The following TANGO6 variants were observed in gnomAD, a reference collection of about 807,000 sequenced individuals.
The protein encoded by TANGO6 is transport and Golgi organization protein 6 homolog.
A neutral mutation model predicts 114.2 loss-of-function variants in TANGO6; 90 were observed. The ratio of observed to expected loss-of-function variants is 0.79; its 90% CI spans 0.66 to 0.94. The LOEUF (loss-of-function observed/expected upper bound fraction) is 0.94, where lower values mean the gene tolerates loss of function less well. TANGO6 is among the 40% of genes least tolerant of loss of function. TANGO6 has a pLI of 0.00. For missense variants in TANGO6, 1,274 were observed against 1,315.3 expected, an observed-to-expected ratio of 0.97 and a Z score of 0.49; for synonymous variants, 477 against 509.8, an observed-to-expected ratio of 0.94 and a Z score of 0.87.
At chr16:69,054,133 G>A (rs866460656) in intron 17 of TANGO6, among the ~76,000 whole-genome samples, 1 of 152,186 alleles carries the variant, frequency 6.6e-6, no homozygotes, top group Non-Finnish European at 1.5e-5. Flanking sequence ...TCCGGAAGAT[G>A]AGTGGAAAGA....
chr16:68,949,351 T>C (rs1963447574), intron 14 of TANGO6, among the ~76,000 whole-genome samples: 1 of 152,112 alleles, frequency 6.6e-6, no homozygotes, highest in South Asian at 2.1e-4. Context: ...CCAGGCATGA[T>C]GGCTCACACC....
intron 1 of TANGO6, 109 bp downstream of exon 1, chr16:68,843,820 A>C: frequency 9.8e-7 from 1 of 1,025,250 alleles, no homozygotes. Flanking sequence ...CCGCCTCGGG[A>C]CCCTCCGCCC....
At chr16:68,906,354 G>A (rs1962849680) in intron 9 of TANGO6, among the ~76,000 whole-genome samples, 1 of 152,054 alleles carries the variant, frequency 6.6e-6, no homozygotes, top group Non-Finnish European at 1.5e-5. Context: ...GTCCTCCCAT[G>A]ATGATCACAT....
chr16:69,063,805 C>CTTATTATTATTA (rs1263446156), intron 17 of TANGO6, among the ~76,000 whole-genome samples: 1 of 118,538 alleles, frequency 8.4e-6, no homozygotes, highest in Non-Finnish European at 1.7e-5. Context: ...TCTTCTTCTT[C>CTTATTATTATTA]TTCTTATTAT....
rs575980236 is a variant in TANGO6, at chr16:69,004,018, A to T, written c.2843-18810A>T. On this transcript the variant is annotated intron_variant, in intron 15 of 17. Coordinates refer to ENST00000261778, the MANE Select transcript of TANGO6 (RefSeq NM_024562.2). Reference sequence around the variant, plus strand: ...ACATCTGAATTGGCAAAAAAAAAAAATTTTTTTCAATAGCAGCATATCTTC... The same window carrying T: ...ACATCTGAATTGGCAAAAAAAAAAATTTTTTTTCAATAGCAGCATATCTTC... Among the ~76,000 whole-genome samples, 527 of 151,642 alleles carry T rather than the reference A, an allele frequency of 3.5e-3. 1 individual carries two copies. The highest frequency in any genetic ancestry group is 0.014 in the Middle Eastern group (4 of 294).
intron 16 of TANGO6, chr16:69,034,749 G>C (rs1001000792): frequency 1.2e-4 from 19 of 152,108 alleles, no homozygotes; most frequent in Non-Finnish European, 4.4e-5. Flanking sequence ...ATGCCAGCTG[G>C]TCGGGAAGGA....
chr16:68,915,186 A>AC (rs1248417805), intron 11 of TANGO6, among the ~76,000 whole-genome samples: 1 of 151,956 alleles, frequency 6.6e-6, no homozygotes, highest in African/African-American at 2.4e-5. Context: ...AAAAAAAAAA[A>AC]AAAAAAGTGG....
At chr16:69,032,290 G>C (rs560229546) in intron 16 of TANGO6, among the ~76,000 whole-genome samples, 1 of 151,958 alleles carries the variant, frequency 6.6e-6, no homozygotes, top group East Asian at 2.0e-4. Flanking sequence ...TATGGAGACA[G>C]AGCCTCGCGC....
chr16:68,897,129 C>T (rs1482316634), intron 7 of TANGO6, among the ~76,000 whole-genome samples: 1 of 152,086 alleles, frequency 6.6e-6, no homozygotes, highest in Non-Finnish European at 1.5e-5. Flanking sequence ...TCTCGAACTC[C>T]TGACCTCGTG....
intron 7 of TANGO6, among the ~76,000 whole-genome samples, chr16:68,897,092 C>T (rs1223613066): frequency 7.3e-5 from 11 of 151,622 alleles, no homozygotes; most frequent in Admixed American, 5.9e-4. Context: ...TTAGTAGAGA[C>T]GGGTTTCACC....
Position 68,927,982 on chromosome 16 carries a change from G to A in TANGO6, c.2542G>A (p.Asp848Asn), listed in dbSNP as rs759103874. Residue 848 changes from aspartate to asparagine, a missense_variant, in exon 13 of 18, where the codon GAC becomes AAC. Physicochemically the swap from Asp to Asn is conservative, Grantham distance 23. Around this residue, in one of 5 missense-constraint regions of TANGO6, gnomAD observed 908 missense variants for 910.2 expected, o/e 1.00. Transcript: ENST00000261778. ...CCAAGAGGTTCTTTTGTCAGCTTAT[G>A]ACCCTCAAATTCCAACACGGGCTGC... Reference protein sequence around the residue: ...QLQEVLLSAYDPQIPTRAAAL... With the variant: ...QLQEVLLSAYNPQIPTRAAAL... The A allele has an allele frequency of 6.2e-7, 1 of 1,613,300 alleles. No homozygotes were observed. Among genetic ancestry groups the A allele is most frequent in the Non-Finnish European group, 8.5e-7 (1 of 1,179,612 alleles).
chr16:69,056,589 A>AC (rs200860123), intron 17 of TANGO6, among the ~76,000 whole-genome samples: 1 of 151,796 alleles, frequency 6.6e-6, no homozygotes, highest in African/African-American at 2.4e-5. Flanking sequence ...AAAAAAAAAA[A>AC]CCCACAATTT....
At position 68,855,710 on chromosome 16, in the gene TANGO6, C is replaced by T. The variant is rs183937545; in HGVS notation, c.95-4174C>T. ...CCAGCCTGGCCAACATGGTGGAACC[C>T]GATCTCTACTAAAAATACAAAAAAA... On this transcript the variant is annotated intron_variant, in intron 1 of 17. Coordinates refer to ENST00000261778, the MANE Select transcript of TANGO6 (RefSeq NM_024562.2). 3.7e-4 allele frequency among the ~76,000 whole-genome samples: 56 copies of T among 152,034 alleles called. 1 individual carries two copies. In the East Asian group the frequency reaches 0.01, roughly 28 times the overall value.
intron 15 of TANGO6, among the ~76,000 whole-genome samples, chr16:68,983,031 T>G (rs1223369298): frequency 6.6e-6 from 1 of 151,884 alleles, no homozygotes; most frequent in African/African-American, 2.4e-5. Context: ...TTTTTTTTTA[T>G]TTTGATTTTT....
intron 9 of TANGO6, among the ~76,000 whole-genome samples, chr16:68,907,226 C>T (rs549428503): frequency 8.6e-5 from 13 of 151,162 alleles, no homozygotes; most frequent in African/African-American, 3.2e-4. Context: ...CGATTACAGG[C>T]GTGAGCCACC....
chr16:68,857,052 T>C (rs2152155197), intron 1 of TANGO6, among the ~76,000 whole-genome samples: 1 of 152,346 alleles, frequency 6.6e-6, no homozygotes, highest in African/African-American at 2.4e-5. Context: ...GAGTTTGCAG[T>C]GAGCCAAGAT....
intron 1 of TANGO6, among the ~76,000 whole-genome samples, chr16:68,856,449 A>G (rs1319245635): frequency 2.6e-5 from 4 of 152,222 alleles, no homozygotes; most frequent in Non-Finnish European, 5.9e-5. Context: ...ACACTTGGTA[A>G]TGAAGTATTA....
At chr16:69,060,588 T>C (rs960115559) in intron 17 of TANGO6, among the ~76,000 whole-genome samples, 4 of 147,962 alleles carry the variant, frequency 2.7e-5, no homozygotes, top group African/African-American at 1.0e-4. Flanking sequence ...GAGAAGACTC[T>C]GTCTCTTAAA....
At chr16:68,934,458 C>A (rs1234820825) in intron 14 of TANGO6, among the ~76,000 whole-genome samples, 3 of 152,122 alleles carry the variant, frequency 2.0e-5, no homozygotes, top group East Asian at 3.8e-4. Flanking sequence ...TTCAAAGAGA[C>A]AAAATGACCA....
Sources: gnomAD v4.1 joint callset for allele counts (sites outside exome capture counted in the v4.1 genomes callset) on GRCh38, gnomAD v4.1.1 for gene constraint, gnomAD v4.1.1 regional missense constraint, MANE v1.5 for transcripts, NCBI Gene and HGNC (gene_info 2026-07-23, HGNC 2026-07-21) for gene names.